The following PALS2 variants were observed in gnomAD, a reference collection of about 807,000 sequenced individuals.
PALS2 encodes protein PALS2.
Under a neutral mutation model 61.6 loss-of-function variants are expected in PALS2, and 27 were observed. The ratio of observed to expected loss-of-function variants is 0.44; its 90% confidence interval spans 0.32 to 0.60. The LOEUF is 0.60. PALS2 is among the 20% of genes least tolerant of loss of function. The pLI, the probability that PALS2 is intolerant of heterozygous loss-of-function variation, is 0.05. For synonymous variants in PALS2, 236 were observed against 218.6 expected (o/e 1.08, Z -0.70); for missense variants, 554 against 639.4 (o/e 0.87, Z 1.44).
At chr7:24,640,005 T>C (rs1785441071) in intron 2 of PALS2, among the ~76,000 whole-genome samples, 1 of 151,672 alleles carries the variant, frequency 6.6e-6, no homozygotes, top group African/African-American at 2.4e-5. Context: ...TTAGTAGAGA[T>C]GGGGTTTCAC....
chr7:24,679,120 AT>A lies in PALS2; in HGVS notation c.1115-7del. ...TTCTTTGTACAAAAATCTCAACACT[AT>A]TTTATTTAGTTACTTCACGGAAACC... On this transcript the variant is annotated splice_polypyrimidine_tract_variant and intron_variant, in intron 9 of 11. Transcript: ENST00000222644. The A allele has an allele frequency of 6.2e-7, 1 of 1,611,430 alleles. No homozygotes were observed. Among genetic ancestry groups the A allele is most frequent in the Non-Finnish European group, 8.5e-7 (1 of 1,177,772 alleles).
chr7:24,617,644 G>GT (rs1463196844), intron 1 of PALS2, among the ~76,000 whole-genome samples: 1 of 152,198 alleles, frequency 6.6e-6, no homozygotes, highest in Non-Finnish European at 1.5e-5. Context: ...AGTGATGTTT[G>GT]TAAGTGTTTC....
intron 9 of PALS2, among the ~76,000 whole-genome samples, chr7:24,677,189 T>G (rs1381438318): frequency 2.0e-5 from 3 of 152,204 alleles, no homozygotes; most frequent in Non-Finnish European, 4.4e-5. Context: ...TGTTGGTGTA[T>G]AAGAATGCTT....
In PALS2 at chr7:24,679,156, T is replaced by C. The variant is rs1286807914; in HGVS notation, c.1140T>C (p.Asp380=). 2 of 1,613,742 alleles carry C rather than the reference T, an allele frequency of 1.2e-6. No homozygotes were observed. Among genetic ancestry groups the C allele is most frequent in the African/African-American group, 1.3e-5 (1 of 74,900 alleles). ...VPFTSRKPRE[D]EKDGQAYKFV... ...TTACTTCACGGAAACCAAGGGAAGA[T>C]GAAAAAGATGGCCAGGCATATAAGT... is the stretch of plus-strand genomic sequence containing the variant. The change falls in exon 10 of 12, where the codon GAT becomes GAC. Residue 380 remains aspartate (D), a synonymous_variant. Transcript: ENST00000222644.
chr7:24,624,197 T>G, intron 2 of PALS2: 1 of 1,137,054 alleles, frequency 8.8e-7, no homozygotes, highest in Non-Finnish European at 1.2e-6. Context: ...TTTTTGAAAT[T>G]TTGTTATTTG....
At chr7:24,586,148 CT>C (rs957454474) in intron 1 of PALS2, among the ~76,000 whole-genome samples, 6 of 150,886 alleles carry the variant, frequency 4.0e-5, no homozygotes, top group Non-Finnish European at 8.9e-5. Flanking sequence ...TGAACATAGG[CT>C]TTGCTATTTT....
At chr7:24,582,775 A>G (rs924670567) in intron 1 of PALS2, among the ~76,000 whole-genome samples, 1 of 151,942 alleles carries the variant, frequency 6.6e-6, no homozygotes, top group South Asian at 2.1e-4. Context: ...GGTATAAGAA[A>G]CTCCAATAAT....
At chr7:24,681,565 A>G (rs1193499044) in intron 11 of PALS2, among the ~76,000 whole-genome samples, 1 of 150,822 alleles carries the variant, frequency 6.6e-6, no homozygotes, top group Non-Finnish European at 1.5e-5. Flanking sequence ...TGTTCAAATA[A>G]GGATTCAAAC....
chr7:24,624,605 C>CTTCTTCTTCTTTTTTTTTT (rs1554302487), intron 2 of PALS2, among the ~76,000 whole-genome samples: 1 of 86,400 alleles, frequency 1.2e-5, no homozygotes, highest in African/African-American at 6.5e-5. Context: ...GCAGATTCTT[C>CTTCTTCTTCTTTTTTTTTT]TTTTTTTTTT....
intron 1 of PALS2, among the ~76,000 whole-genome samples, chr7:24,612,652 C>T (rs1014607887): frequency 1.2e-4 from 18 of 151,572 alleles, no homozygotes; most frequent in African/African-American, 3.4e-4. Context: ...TTGGTTATTA[C>T]GATTATTTAG....
At chr7:24,668,301 C>T (rs796595481) in intron 8 of PALS2, among the ~76,000 whole-genome samples, 198 bp from the exon 9 acceptor site, 35 of 152,112 alleles carry the variant, frequency 2.3e-4, no homozygotes, top group African/African-American at 7.2e-4. Context: ...CAGTGAGCCC[C>T]GGTCTTAAAA....
chr7:24,641,999 C>A (rs1194635697), intron 3 of PALS2, 131 bp downstream of exon 3: 3 of 976,600 alleles, frequency 3.1e-6, no homozygotes, highest in African/African-American at 3.3e-5. Context: ...TAAATTCCAA[C>A]CTTGGTATTT....
At chr7:24,589,323 A>G (rs560824340) in intron 1 of PALS2, 6 of 152,302 alleles carry the variant, frequency 3.9e-5, no homozygotes, top group African/African-American at 1.4e-4. Flanking sequence ...GAGCTGTACC[A>G]CTGAACCATT....
intron 1 of PALS2, among the ~76,000 whole-genome samples, chr7:24,574,487 A>G (rs1782574504): frequency 6.6e-6 from 1 of 151,748 alleles, no homozygotes; most frequent in Non-Finnish European, 1.5e-5. Flanking sequence ...TCGAGATTAC[A>G]TTTGTTAAAC....
rs376285701 is a variant in PALS2 at position 24,600,945 on chromosome 7, A to G, written c.-2-22721A>G. ...AGATATACTTTTTTTTTAGGTTTTT[A>G]TTTTTTATTAAAACTATTAATGCAC... is the stretch of plus-strand genomic sequence containing the variant. On this transcript the variant is annotated intron_variant, in intron 1 of 11. Coordinates refer to ENST00000222644, the MANE Select transcript of PALS2 (RefSeq NM_001303037.2). 9.9e-5 allele frequency among the ~76,000 whole-genome samples: 15 copies of G among 151,980 alleles called. 1 individual carries two copies. The highest frequency in any genetic ancestry group is 7.2e-4 in the Admixed American group (11 of 15,268).
chr7:24,666,530 C>G (rs980496520), intron 8 of PALS2, among the ~76,000 whole-genome samples: 2 of 152,118 alleles, frequency 1.3e-5, no homozygotes, highest in Admixed American at 6.5e-5. Flanking sequence ...CCAAATAAAT[C>G]TTAGTCTGAT....
intron 5 of PALS2, among the ~76,000 whole-genome samples, chr7:24,662,082 A>G (rs1359718417): frequency 2.0e-5 from 3 of 152,206 alleles, no homozygotes; most frequent in Non-Finnish European, 4.4e-5. Flanking sequence ...ATCTAAAATT[A>G]TATATCAGGA....
chr7:24,630,264 G>T (rs115840693), intron 2 of PALS2, among the ~76,000 whole-genome samples: 2 of 152,174 alleles, frequency 1.3e-5, no homozygotes, highest in Non-Finnish European at 2.9e-5. Flanking sequence ...TTTTAAGTGG[G>T]TGTAAGTTGA....
intron 9 of PALS2, among the ~76,000 whole-genome samples, chr7:24,678,138 A>T (rs1787720968): frequency 6.6e-6 from 1 of 152,174 alleles, no homozygotes; most frequent in African/African-American, 2.4e-5. Context: ...ACGCTCAAAA[A>T]TTACTTTTCT....
Sources: gnomAD v4.1 joint callset for allele counts (sites outside exome capture counted in the v4.1 genomes callset) on GRCh38, gnomAD v4.1.1 for gene constraint, MANE v1.5 for transcripts, NCBI Gene and HGNC (gene_info 2026-07-23, HGNC 2026-07-21) for gene names.